GABRB3: variants seen among roughly 807,000 people sequenced by gnomAD.
The protein encoded by GABRB3 is gamma-aminobutyric acid receptor subunit beta-3.
In GABRB3, 14 loss-of-function variants were observed where a neutral mutation model predicts 52.1. The ratio of observed to expected loss-of-function variants is 0.27; its 90% confidence interval spans 0.18 to 0.42. The LOEUF is 0.42. Among genes scored for constraint, GABRB3 ranks in the 10% least tolerant of loss-of-function variants. GABRB3 has a pLI of 1.00. For missense variants in GABRB3, 307 were observed against 609.1 expected, an observed-to-expected ratio of 0.50 and a Z score of 5.22; for synonymous variants, 260 against 232.3, an observed-to-expected ratio of 1.12 and a Z score of -1.08.
chr15:26,760,723 A>G (rs530446968), intron 3 of GABRB3, among the ~76,000 whole-genome samples: 42 of 152,138 alleles, frequency 2.8e-4, no homozygotes, highest in African/African-American at 7.7e-4. Context: ...ATACACATAG[A>G]TAAGCACTGT....
chr15:26,571,748 C>T (rs1041437116), intron 6 of GABRB3, among the ~76,000 whole-genome samples: 11 of 152,102 alleles, frequency 7.2e-5, no homozygotes, highest in African/African-American at 2.2e-4. Context: ...AGAAAATATA[C>T]CATTTTCTTT....
chr15:26,701,053 CA>C (rs35441212), intron 3 of GABRB3, among the ~76,000 whole-genome samples: 61,986 of 143,850 alleles, frequency 0.43, 13,368 homozygotes, highest in African/African-American at 0.57. Flanking sequence ...AGACTCGTCT[CA>C]AAAAAAAAAA....
At chr15:26,733,042 C>T (rs928945976) in intron 3 of GABRB3, among the ~76,000 whole-genome samples, 4 of 151,528 alleles carry the variant, frequency 2.6e-5, no homozygotes, top group Admixed American at 1.3e-4. Flanking sequence ...TCACAGTGAA[C>T]ATCACACTCA....
At chr15:26,587,618 G>A (rs1265563370) in intron 4 of GABRB3, among the ~76,000 whole-genome samples, 1 of 152,094 alleles carries the variant, frequency 6.6e-6, no homozygotes, top group African/African-American at 2.4e-5. Flanking sequence ...CCTCTCCAGG[G>A]AGCAGCTTCT....
chr15:26,733,391 A>T (rs1232321465), intron 3 of GABRB3, among the ~76,000 whole-genome samples: 1 of 152,200 alleles, frequency 6.6e-6, no homozygotes, highest in Non-Finnish European at 1.5e-5. Context: ...AAAGAAAGTT[A>T]CAGAAATAAT....
chr15:26,763,607 TACACACAC>T (rs150301275), intron 3 of GABRB3, among the ~76,000 whole-genome samples: 5 of 145,956 alleles, frequency 3.4e-5, no homozygotes, highest in Admixed American at 1.4e-4. Context: ...TCTGCATAGA[TACACACAC>T]ACACACACAC....
At chr15:26,772,535 C>A in intron 2 of GABRB3, 66 bp from the exon 3 acceptor site, 1 of 1,542,548 alleles carries the variant, frequency 6.5e-7, no homozygotes, top group East Asian at 2.4e-5. Flanking sequence ...GCTCTGAGGA[C>A]TGGGGGCTAT....
At chr15:26,555,675 C>A (rs146652473) in intron 8 of GABRB3, among the ~76,000 whole-genome samples, 251 of 152,312 alleles carry the variant, frequency 1.6e-3, no homozygotes, top group African/African-American at 5.9e-3. Context: ...AGAAAGAACT[C>A]AAGAACCAAT....
intron 3 of GABRB3, among the ~76,000 whole-genome samples, chr15:26,653,741 CT>C (rs1887274209): frequency 6.6e-6 from 1 of 152,182 alleles, no homozygotes; most frequent in South Asian, 2.1e-4. Flanking sequence ...AATTTTCTTA[CT>C]GTCATAATTT....
intron 7 of GABRB3, among the ~76,000 whole-genome samples, chr15:26,566,194 A>G (rs1181024547): frequency 6.6e-6 from 1 of 152,104 alleles, no homozygotes; most frequent in African/African-American, 2.4e-5. Flanking sequence ...TTAAAACAGC[A>G]CTTTCAGTTT....
intron 3 of GABRB3, among the ~76,000 whole-genome samples, chr15:26,672,448 C>T (rs59280854): frequency 0.25 from 38,704 of 152,064 alleles, 5,665 homozygotes; most frequent in Middle Eastern, 0.44. Flanking sequence ...AATGGAGTTT[C>T]TCCCTCTCTC....
chr15:26,661,390 A>G (rs1887545825), intron 3 of GABRB3, among the ~76,000 whole-genome samples: 1 of 152,176 alleles, frequency 6.6e-6, no homozygotes, highest in Non-Finnish European at 1.5e-5. Context: ...CAAACTCTTA[A>G]GTATCTAACA....
chr15:26,773,071 C>T (rs1317939026), upstream of GABRB3: 1 of 1,041,590 alleles, frequency 9.6e-7, no homozygotes. Flanking sequence ...CGCGCTGGCC[C>T]GGAGCGGAGG....
intron 3 of GABRB3, chr15:26,628,907 G>T: frequency 7.0e-7 from 1 of 1,433,418 alleles, no homozygotes; most frequent in Non-Finnish European, 9.5e-7. Context: ...GCTGGGAGGT[G>T]TGGGGGAGTC....
chr15:26,644,683 G>T (rs1301812356), intron 3 of GABRB3, among the ~76,000 whole-genome samples: 1 of 151,886 alleles, frequency 6.6e-6, no homozygotes, highest in Non-Finnish European at 1.5e-5. Context: ...CTAGCAGACG[G>T]ATACACTGCT....
At chr15:26,645,805 C>G (rs1347610624) in intron 3 of GABRB3, among the ~76,000 whole-genome samples, 1 of 152,116 alleles carries the variant, frequency 6.6e-6, no homozygotes, top group African/African-American at 2.4e-5. Context: ...AGGGTCTTGC[C>G]TCACCCAAGC....
At chr15:26,675,734 G>A (rs529155497) in intron 3 of GABRB3, among the ~76,000 whole-genome samples, 1 of 152,096 alleles carries the variant, frequency 6.6e-6, no homozygotes, top group East Asian at 1.9e-4. Flanking sequence ...ATTACTAGGA[G>A]GTAACATCAA....
chr15:26,581,193 G>C (rs920201747), intron 5 of GABRB3: 1 of 156,586 alleles, frequency 6.4e-6, no homozygotes, highest in African/African-American at 2.4e-5. Context: ...ATTCTTACTT[G>C]TAACACCCAG....
intron 3 of GABRB3, among the ~76,000 whole-genome samples, chr15:26,765,952 G>C (rs1040932995): frequency 6.6e-6 from 1 of 152,188 alleles, no homozygotes; most frequent in African/African-American, 2.4e-5. Flanking sequence ...CCTGCAGTAA[G>C]AGTAAGAAAG....
Sources: gnomAD v4.1 joint callset for allele counts (sites outside exome capture counted in the v4.1 genomes callset) on GRCh38, gnomAD v4.1.1 for gene constraint, MANE v1.5 for transcripts, NCBI Gene and HGNC (gene_info 2026-07-23, HGNC 2026-07-21) for gene names.